SLC25A30: variants seen among roughly 807,000 people sequenced by gnomAD.
SLC25A30 encodes the protein kidney mitochondrial carrier protein 1.
SLC25A30 carries 29 observed loss-of-function variants against 42.7 expected under a neutral mutation model. The ratio of observed to expected loss-of-function variants is 0.68; its 90% CI spans 0.51 to 0.93. The LOEUF (loss-of-function observed/expected upper bound fraction) is 0.93, where lower values mean the gene tolerates loss of function less well. Among genes scored for constraint, SLC25A30 ranks in the 40% least tolerant of loss-of-function variants. SLC25A30 has a pLI of 0.00. For missense variants in SLC25A30, 300 were observed against 359.7 expected, an observed-to-expected ratio of 0.83 and a Z score of 1.34; for synonymous variants, 124 against 131.0, an observed-to-expected ratio of 0.95 and a Z score of 0.37.
At chr13:45,433,904 T>G in the SLC25A30 span, among the ~76,000 whole-genome samples, 1 of 152,230 alleles carries the variant, frequency 6.6e-6, no homozygotes, top group Non-Finnish European at 1.5e-5. Context: ...TTCTATTTTT[T>G]GTTCACACTG....
the SLC25A30 span, among the ~76,000 whole-genome samples, chr13:45,423,802 T>A: frequency 0.017 from 835 of 48,286 alleles, 34 homozygotes; most frequent in African/African-American, 0.055. Context: ...AAATATATAT[T>A]TATATATATA....
At chr13:45,396,139 G>A in intron 9 of SLC25A30, 124 bp from the exon 10 acceptor site, 3 of 1,590,570 alleles carry the variant, frequency 1.9e-6, no homozygotes, top group Middle Eastern at 1.7e-4. Flanking sequence ...CTATGGACAC[G>A]ATTAAATAAA....
chr13:45,409,895 C>A (rs1443118068), intron 2 of SLC25A30, among the ~76,000 whole-genome samples: 1 of 152,150 alleles, frequency 6.6e-6, no homozygotes, highest in East Asian at 1.9e-4. Context: ...ATATAAAACC[C>A]ATCCTCAGAC....
chr13:45,423,849 A>AATATATAT, the SLC25A30 span, among the ~76,000 whole-genome samples: 2 of 45,802 alleles, frequency 4.4e-5, no homozygotes, highest in African/African-American at 1.4e-4. Context: ...TAAATATGTA[A>AATATATAT]ATATATATAT....
intron 2 of SLC25A30, among the ~76,000 whole-genome samples, chr13:45,411,119 T>A (rs78502482): frequency 2.9e-4 from 44 of 151,454 alleles, no homozygotes; most frequent in African/African-American, 1.1e-3. Flanking sequence ...TTTTTTTTTT[T>A]AATAGAGGTG....
chr13:45,395,113 T>G lies in SLC25A30; in HGVS notation c.*861A>C. 1 of 985,490 alleles carries G rather than the reference T, an allele frequency of 1.0e-6. No individual in the cohort carries two copies. Among genetic ancestry groups the G allele is most frequent in the Middle Eastern group, 5.2e-4 (1 of 1,914 alleles). 61.0% of individuals were successfully genotyped at this position (985,490 alleles called of 1,614,324 possible). A position where few individuals can be genotyped will look rare whatever the true frequency, so the allele number is the denominator to read the frequency against. On this transcript the variant is annotated 3_prime_UTR_variant, in exon 10 of 10. Transcript: ENST00000519676. ...AAACACATTTACCTTTCCAGTCAAG[T>G]AGCAGCAGCTACTATTTGTTCTTCA...
At chr13:45,430,502 A>G in the SLC25A30 span, among the ~76,000 whole-genome samples, 1 of 152,146 alleles carries the variant, frequency 6.6e-6, no homozygotes, top group South Asian at 2.1e-4. Context: ...CCTGTAGAAC[A>G]ATTTTATTTT....
At chr13:45,399,531 T>C (rs1424422708) in intron 7 of SLC25A30, among the ~76,000 whole-genome samples, 1 of 152,132 alleles carries the variant, frequency 6.6e-6, no homozygotes, top group East Asian at 1.9e-4. Flanking sequence ...TGAACTAACA[T>C]GTATCAACAT....
intron 1 of SLC25A30, among the ~76,000 whole-genome samples, chr13:45,415,060 T>C (rs971859546): frequency 1.3e-5 from 2 of 152,196 alleles, no homozygotes; most frequent in Admixed American, 1.3e-4. Context: ...TACAGCCATG[T>C]TCTCTAAGCC....
chr13:45,419,147 A>G (rs867436836), upstream of SLC25A30, among the ~76,000 whole-genome samples: 614 of 146,050 alleles, frequency 4.2e-3, 8 homozygotes, highest in African/African-American at 0.015. Flanking sequence ...AAAAAAAAAA[A>G]AAAAGAAAGA....
chr13:45,400,530 T>C (rs1881868541), intron 7 of SLC25A30, among the ~76,000 whole-genome samples: 1 of 152,224 alleles, frequency 6.6e-6, no homozygotes, highest in Non-Finnish European at 1.5e-5. Context: ...AGGGTCTTTC[T>C]CTGTTGCCCA....
intron 3 of SLC25A30, among the ~76,000 whole-genome samples, chr13:45,408,464 G>A (rs1013863380): frequency 2.0e-5 from 3 of 152,142 alleles, no homozygotes; most frequent in Non-Finnish European, 4.4e-5. Flanking sequence ...GGCTGTCCAC[G>A]TTCTGTTCCT....
chr13:45,425,723 C>G, the SLC25A30 span, among the ~76,000 whole-genome samples: 1 of 138,842 alleles, frequency 7.2e-6, no homozygotes, highest in South Asian at 2.2e-4. Context: ...GACTGAGTCT[C>G]GCTGTATCCC....
chr13:45,413,326 TC>T (rs1883185278), intron 1 of SLC25A30, among the ~76,000 whole-genome samples: 1 of 152,208 alleles, frequency 6.6e-6, no homozygotes, highest in Non-Finnish European at 1.5e-5. Context: ...AATTCATAAC[TC>T]ATATAATAGT....
chr13:45,405,798 G>A (rs111866548), intron 4 of SLC25A30, 85 bp downstream of exon 4: 8 of 1,271,630 alleles, frequency 6.3e-6, no homozygotes, highest in Non-Finnish European at 7.9e-6. Flanking sequence ...CAAATAAGCT[G>A]AAGAAAACCT....
chr13:45,394,268 TTA>T lies in SLC25A30; in HGVS notation c.*1704_*1705del. 2.5e-5 allele frequency: 6 copies of T among 237,758 alleles called. No individual in the cohort carries two copies. The highest frequency in any genetic ancestry group is 3.7e-5 in the Non-Finnish European group (6 of 163,360). 14.7% of individuals were successfully genotyped at this position (237,758 alleles called of 1,614,324 possible). Reference sequence around the variant, plus strand: ...ACCCCGCCCCCGCCCCCACCTTCTGTTATCCTCTCTTTTTGATGACTTTGTCT... The same window carrying T: ...ACCCCGCCCCCGCCCCCACCTTCTGTTCCTCTCTTTTTGATGACTTTGTCT... On this transcript the variant is annotated 3_prime_UTR_variant, in exon 10 of 10. Transcript: ENST00000519676.
Position 45,395,162 on chromosome 13 carries a change from G to C in SLC25A30, c.*812C>G, listed in dbSNP as rs1220639166. 1 of 984,564 alleles carries C rather than the reference G, an allele frequency of 1.0e-6. No individual in the cohort carries two copies. The highest frequency in any genetic ancestry group is 1.7e-5 in the African/African-American group (1 of 57,184). The allele number at this position is 984,564 out of a possible 1,614,324, so 61.0% of individuals were successfully genotyped here. A position where few individuals can be genotyped will look rare whatever the true frequency, so the allele number is the denominator to read the frequency against. On this transcript the variant is annotated 3_prime_UTR_variant, in exon 10 of 10. Transcript: ENST00000519676. ...CATTTGACCCTCTACATCAATAGAC[G>C]TTATTATCCCCATTTTACTCATTGA...
chr13:45,414,292 T>G (rs1883287043), intron 1 of SLC25A30, among the ~76,000 whole-genome samples: 1 of 152,054 alleles, frequency 6.6e-6, no homozygotes. Flanking sequence ...AAATATGAAC[T>G]AGAGAGCCGC....
rs540576250 is a variant in SLC25A30 at position 45,412,048 on chromosome 13, C to G, written c.-55-568G>C. 11 of 151,994 alleles carry G rather than the reference C, an allele frequency of 7.2e-5. No homozygotes were observed. The East Asian group carries it at 1.9e-3, about 27-fold the overall frequency. The allele number at this position is 151,994 out of a possible 1,614,324, so 9.4% of individuals were successfully genotyped here. ...GTGGGGATCACATCCCTCAGGTGCA[C>G]TGCAGCAGACAAATGTTGCAAACTT... On this transcript the variant is annotated intron_variant, in intron 1 of 9. Coordinates refer to ENST00000519676, the MANE Select transcript of SLC25A30 (RefSeq NM_001010875.4).
Sources: allele counts gnomAD v4.1 joint callset (sites outside exome capture counted in the v4.1 genomes callset), GRCh38; gene constraint gnomAD v4.1.1; transcripts MANE v1.5; gene names NCBI Gene and HGNC (gene_info 2026-07-23, HGNC 2026-07-21).